The following MTOR variants were observed in gnomAD, a reference collection of about 807,000 sequenced individuals.
MTOR encodes the protein serine/threonine-protein kinase mTOR.
A neutral mutation model predicts 319.8 loss-of-function variants in MTOR; 70 were observed. The ratio of observed to expected loss-of-function variants is 0.22; its 90% CI spans 0.18 to 0.27. The LOEUF (loss-of-function observed/expected upper bound fraction) is 0.27, where lower values mean the gene tolerates loss of function less well. MTOR is among the 10% of genes least tolerant of loss of function. The probability of loss-of-function intolerance (pLI) is 1.00; values close to 1 mark genes in which losing one functional copy is unlikely to be tolerated. For missense variants in MTOR, 1,890 were observed against 3,274.4 expected, an observed-to-expected ratio of 0.58 and a Z score of 10.32; for synonymous variants, 1,183 against 1,211.4, an observed-to-expected ratio of 0.98 and a Z score of 0.49.
At chr1:11,196,557 C>G (rs1645790746) in intron 28 of MTOR, among the ~76,000 whole-genome samples, 1 of 151,866 alleles carries the variant, frequency 6.6e-6, no homozygotes, top group Admixed American at 6.6e-5. Context: ...AAAGCAAAGA[C>G]AAAAAAATAA....
chr1:11,198,568 C>T (rs961804060), intron 28 of MTOR, among the ~76,000 whole-genome samples: 1 of 152,162 alleles, frequency 6.6e-6, no homozygotes, highest in African/African-American at 2.4e-5. Flanking sequence ...ATTTAGCATT[C>T]ACATGAAGAT....
At chr1:11,194,154 G>A (rs1009014007) in intron 28 of MTOR, among the ~76,000 whole-genome samples, 1 of 152,174 alleles carries the variant, frequency 6.6e-6, no homozygotes, top group Non-Finnish European at 1.5e-5. Flanking sequence ...ATATCCTCAT[G>A]TTTCTCTTAC....
intron 28 of MTOR, among the ~76,000 whole-genome samples, chr1:11,191,875 G>A (rs926527642): frequency 4.6e-5 from 7 of 152,164 alleles, no homozygotes; most frequent in Admixed American, 3.9e-4. Context: ...AGATATTCAC[G>A]ACTGATTTGT....
At position 11,213,394 on chromosome 1, in the gene MTOR, C is replaced by T. The variant is rs943695981; in HGVS notation, c.3285+5G>A. The T allele has an allele frequency of 2.5e-6, 4 of 1,610,156 alleles. No individual in the cohort carries two copies. Among genetic ancestry groups the T allele is most frequent in the Non-Finnish European group, 1.7e-6 (2 of 1,178,862 alleles). On this transcript the variant is annotated splice_donor_5th_base_variant and intron_variant, in intron 21 of 57. Transcript: ENST00000361445. ...TCTCTCTGGAGGATGACGTAGGCTA[C>T]TCACCTTGATAGAGACAATGCGGCC...
At chr1:11,246,465 C>T (rs542359525) in intron 8 of MTOR, among the ~76,000 whole-genome samples, 58 of 152,244 alleles carry the variant, frequency 3.8e-4, no homozygotes, top group African/African-American at 8.7e-4. Context: ...TAACAAAATA[C>T]GGGTGATTTT....
In MTOR at chr1:11,110,165, T is replaced by G. The variant is rs151327581; in HGVS notation, c.7367-436A>C. Among the ~76,000 whole-genome samples, 262 of 152,258 alleles carry G rather than the reference T, an allele frequency of 1.7e-3. 1 individual carries two copies. The highest frequency in any genetic ancestry group is 6.2e-3 in the African/African-American group (258 of 41,548). ...AGGTCAAAAGCCTCGTGACAAAATGTGTTTGGACAAAAACTGATAAAGAAA... is the reference window on the plus strand; with the variant it reads ...AGGTCAAAAGCCTCGTGACAAAATGGGTTTGGACAAAAACTGATAAAGAAA... On this transcript the variant is annotated intron_variant, in intron 54 of 57. Coordinates refer to ENST00000361445, the MANE Select transcript of MTOR (RefSeq NM_004958.4).
In MTOR at chr1:11,109,112, T is replaced by C. The variant is rs1397503955; in HGVS notation, c.7528+178A>G. ...AACTAACATTAAGTACTGTTATCAG[T>C]CATCAGAAAGAAGAATCAGAGACAA... On this transcript the variant is annotated intron_variant, in intron 56 of 57. Coordinates refer to ENST00000361445, the MANE Select transcript of MTOR (RefSeq NM_004958.4). This position sits in a 1 kb window ranked among gnomAD's most constrained non-coding sequence, Gnocchi z 4.0. Among the ~76,000 whole-genome samples the C allele has an allele frequency of 1.3e-5, 2 of 152,216 alleles. No homozygotes were observed. The highest frequency in any genetic ancestry group is 2.9e-5 in the Non-Finnish European group (2 of 68,028).
chr1:11,138,351 G>A (rs1643528573), intron 36 of MTOR, among the ~76,000 whole-genome samples: 1 of 152,210 alleles, frequency 6.6e-6, no homozygotes, highest in South Asian at 2.1e-4. Context: ...CTGCATATTT[G>A]AAGAAGGAAA....
At chr1:11,257,876 G>C (rs1392338386) in intron 3 of MTOR, among the ~76,000 whole-genome samples, 2 of 152,224 alleles carry the variant, frequency 1.3e-5, no homozygotes, top group Admixed American at 1.3e-4. Flanking sequence ...CTGGGAGGCT[G>C]AGGTGGGCAG....
chr1:11,248,692 A>G (rs1323912608), intron 6 of MTOR, among the ~76,000 whole-genome samples: 3 of 152,124 alleles, frequency 2.0e-5, no homozygotes, highest in Non-Finnish European at 4.4e-5. Flanking sequence ...GGGCACCTGT[A>G]GTCCTGGCTA....
intron 28 of MTOR, chr1:11,189,359 T>A: frequency 1.8e-6 from 1 of 549,508 alleles, no homozygotes; most frequent in Non-Finnish European, 3.2e-6. Context: ...GCATTCGGGC[T>A]TGGAAGGAAA....
At chr1:11,168,290 T>C (rs1039652039) in intron 28 of MTOR, among the ~76,000 whole-genome samples, 3 of 151,808 alleles carry the variant, frequency 2.0e-5, no homozygotes, top group Non-Finnish European at 2.9e-5. Context: ...GTGATCCTCC[T>C]GCCTCAGCCT....
intron 11 of MTOR, among the ~76,000 whole-genome samples, chr1:11,239,384 G>T (rs1460895962): frequency 4.6e-5 from 7 of 152,132 alleles, no homozygotes; most frequent in Non-Finnish European, 7.3e-5. Context: ...TCATGGGTGT[G>T]AATCAATGTT....
rs769849522 is a variant in MTOR at position 11,112,887 on chromosome 1, G to A, written c.7331C>T (p.Thr2444Met). 5 of 1,614,210 alleles carry A rather than the reference G, an allele frequency of 3.1e-6. No homozygotes were observed. The highest frequency in any genetic ancestry group is 1.1e-5 in the South Asian group (1 of 91,082). Reference sequence around the variant, plus strand: ...GCCAGCAGAGTAGGAATCCGTCCTCGTTCGGGATCGCTTGTTGCCTTTGGT... The same window carrying A: ...GCCAGCAGAGTAGGAATCCGTCCTCATTCGGGATCGCTTGTTGCCTTTGGT... The part of the protein sequence containing the change: ...TNTKGNKRSR[T>M]RTDSYSAGQS... Residue 2444 changes from threonine to methionine, a missense_variant, in exon 54 of 58, where the codon ACG (threonine) becomes ATG (methionine). Physicochemically the swap from Thr to Met is moderately conservative, Grantham distance 81. This residue lies in a region of MTOR where 49 missense variants were observed against 67.6 expected (regional missense o/e 0.72). Coordinates refer to ENST00000361445, the MANE Select transcript of MTOR (RefSeq NM_004958.4).
chr1:11,159,525 C>T (rs1047453988), intron 29 of MTOR, among the ~76,000 whole-genome samples: 1 of 151,934 alleles, frequency 6.6e-6, no homozygotes, highest in African/African-American at 2.4e-5. Context: ...CCTGTAATCC[C>T]AGCTTCTTGG....
At chr1:11,208,947 GAGTTTGAGA>G (rs1646224484) in intron 25 of MTOR, among the ~76,000 whole-genome samples, 1 of 152,170 alleles carries the variant, frequency 6.6e-6, no homozygotes, top group Admixed American at 6.5e-5. Context: ...TAAGCCCAAT[GAGTTTGAGA>G]AGTTTGAAAA....
In MTOR at chr1:11,260,485, T is replaced by C. The variant is rs575697060; in HGVS notation, c.-14-1062A>G. On this transcript the variant is annotated intron_variant, in intron 1 of 57. Coordinates refer to ENST00000361445, the MANE Select transcript of MTOR (RefSeq NM_004958.4). ...TGAACCCAGGAGGCAGAGGTTGCAG[T>C]GAGCTGAGATTGGGCCATTGCACTA... Among the ~76,000 whole-genome samples, 6 of 150,592 alleles carry C rather than the reference T, an allele frequency of 4.0e-5. No homozygotes were observed. In the South Asian group the frequency reaches 1.3e-3, roughly 32 times the overall value.
In MTOR at chr1:11,133,060, G is replaced by A; in HGVS notation, c.5364+20C>T. ...GCCAGCCAGGGTGCTGGGTCTCACA[G>A]GTGGCCTGCTTCTGATCACCTTGTA... On this transcript the variant is annotated intron_variant, in intron 38 of 57. Coordinates refer to ENST00000361445, the MANE Select transcript of MTOR (RefSeq NM_004958.4). This position sits in a 1 kb window ranked among gnomAD's most constrained non-coding sequence, Gnocchi z 4.0. 6.2e-7 allele frequency: 1 copy of A among 1,608,088 alleles called. No homozygotes were observed. Among genetic ancestry groups the A allele is most frequent in the South Asian group, 1.1e-5 (1 of 90,916 alleles).
intron 8 of MTOR, among the ~76,000 whole-genome samples, chr1:11,243,769 C>T (rs1461982676): frequency 6.6e-6 from 1 of 151,692 alleles, no homozygotes; most frequent in East Asian, 1.9e-4. Flanking sequence ...TACATTTTCA[C>T]ACAAGAATTA....
Sources: allele counts gnomAD v4.1 joint callset (sites outside exome capture counted in the v4.1 genomes callset), GRCh38; gene constraint gnomAD v4.1.1; regional missense constraint gnomAD v4.1.1; non-coding constraint Gnocchi (gnomAD v3.1); transcripts MANE v1.5; gene names NCBI Gene and HGNC (gene_info 2026-07-23, HGNC 2026-07-21).